SPAG17: variants seen among roughly 807,000 people sequenced by gnomAD.
SPAG17 encodes sperm associated antigen 17, also known as sperm-associated antigen 17.
Under a neutral mutation model 273.6 loss-of-function variants are expected in SPAG17, and 169 were observed. That is an observed-to-expected ratio of 0.62 (90% CI 0.55 to 0.70). The LOEUF is 0.70. Ranked by LOEUF, SPAG17 falls within the 30% of genes least tolerant of loss-of-function variation. The pLI, the probability that SPAG17 is intolerant of heterozygous loss-of-function variation, is 0.00. For missense variants in SPAG17, 2,557 were observed against 2,627.8 expected (o/e 0.97, Z 0.59); for synonymous variants, 825 against 873.2 (o/e 0.94, Z 0.97).
rs1364975376 is a variant in SPAG17 at position 118,185,068 on chromosome 1, C to A, written c.87+3G>T. 6.2e-7 allele frequency: 1 copy of A among 1,613,714 alleles called. No individual in the cohort carries two copies. Among genetic ancestry groups the A allele is most frequent in the Non-Finnish European group, 8.5e-7 (1 of 1,179,726 alleles). On this transcript the variant is annotated splice_donor_region_variant and intron_variant, in intron 1 of 48. Coordinates refer to ENST00000336338, the MANE Select transcript of SPAG17 (RefSeq NM_206996.4). ...GGGAGGGCTTAAAGGGCTCAAGGCT[C>A]ACCTGATTGAACTGTGCAGCTATGA...
At chr1:118,064,172 G>C (rs1652682715) in intron 18 of SPAG17, among the ~76,000 whole-genome samples, 1 of 152,154 alleles carries the variant, frequency 6.6e-6, no homozygotes, top group Admixed American at 6.5e-5. Context: ...GTGGAAGTCA[G>C]TGTGGCGATT....
intron 1 of SPAG17, among the ~76,000 whole-genome samples, chr1:118,184,331 G>A (rs1661081069): frequency 6.6e-6 from 1 of 152,162 alleles, no homozygotes; most frequent in African/African-American, 2.4e-5. Flanking sequence ...TGTAGAAGGG[G>A]ATTTCCAGCT....
In SPAG17 at chr1:118,053,938, C is replaced by A. The variant is rs943776121; in HGVS notation, c.2814+64G>T. 1.2e-5 allele frequency: 15 copies of A among 1,229,020 alleles called. No individual in the cohort carries two copies. The African/African-American group carries it at 2.1e-4, about 17-fold the overall frequency. The allele number at this position is 1,229,020 out of a possible 1,614,324, so 76.1% of individuals were successfully genotyped here. Reference sequence around the variant, plus strand: ...CCACTCCCACTGCCCCAAAGTCAACCACTATCCTGTTGTGTAATACTTTAG... The same window carrying A: ...CCACTCCCACTGCCCCAAAGTCAACAACTATCCTGTTGTGTAATACTTTAG... On this transcript the variant is annotated intron_variant, in intron 20 of 48. Coordinates refer to ENST00000336338, the MANE Select transcript of SPAG17 (RefSeq NM_206996.4).
chr1:117,986,400 T>C (rs1244381874), intron 40 of SPAG17, among the ~76,000 whole-genome samples: 1 of 152,216 alleles, frequency 6.6e-6, no homozygotes, highest in Non-Finnish European at 1.5e-5. Flanking sequence ...TTCTATTTCC[T>C]TGAAACTTTC....
At chr1:118,035,653 A>G (rs1246933899) in intron 24 of SPAG17, among the ~76,000 whole-genome samples, 1 of 152,200 alleles carries the variant, frequency 6.6e-6, no homozygotes, top group Non-Finnish European at 1.5e-5. Flanking sequence ...TTATCTCTGC[A>G]AAAAAGAAAC....
chr1:117,987,095 C>T (rs938400116), intron 40 of SPAG17, among the ~76,000 whole-genome samples: 3 of 152,148 alleles, frequency 2.0e-5, no homozygotes, highest in African/African-American at 7.2e-5. Context: ...CATTCTTCAT[C>T]AAACCTAGCA....
At chr1:118,015,760 T>C (rs561525527) in intron 29 of SPAG17, among the ~76,000 whole-genome samples, 1 of 152,306 alleles carries the variant, frequency 6.6e-6, no homozygotes, top group Non-Finnish European at 1.5e-5. Context: ...TAGTCCCTAA[T>C]GATACTCTCC....
chr1:118,122,384 A>C (rs982801880), intron 3 of SPAG17, among the ~76,000 whole-genome samples: 1 of 152,238 alleles, frequency 6.6e-6, no homozygotes, highest in African/African-American at 2.4e-5. Context: ...CCATAACTAC[A>C]TATGTGCAAC....
At chr1:118,087,729 C>A (rs938665152) in intron 10 of SPAG17, among the ~76,000 whole-genome samples, 1 of 152,136 alleles carries the variant, frequency 6.6e-6, no homozygotes, top group Admixed American at 6.5e-5. Flanking sequence ...AGTTAGGCAC[C>A]TAATTTACAG....
At chr1:118,050,503 C>T (rs1468905920) in intron 20 of SPAG17, among the ~76,000 whole-genome samples, 1 of 152,072 alleles carries the variant, frequency 6.6e-6, no homozygotes, top group Non-Finnish European at 1.5e-5. Context: ...AAATGGTTAG[C>T]TATAAAGCTA....
chr1:118,159,723 G>T (rs1659819469), intron 1 of SPAG17, among the ~76,000 whole-genome samples: 1 of 152,048 alleles, frequency 6.6e-6, no homozygotes. Context: ...AGAGTTCTTG[G>T]CCCATCCCAC....
In SPAG17 at chr1:117,971,979, C is replaced by CT; in HGVS notation, c.6209dup (p.Ser2071ValfsTer19). ...GAAGATGGAACCCAAAAAGGGATGA[C>CT]TTTGCATTATTAATGGCAGCAGATG... On this transcript the variant is annotated frameshift_variant, in exon 45 of 49. Transcript: ENST00000336338. LOFTEE classifies it high-confidence loss of function. The CT allele has an allele frequency of 6.2e-7, 1 of 1,614,110 alleles. No individual in the cohort carries two copies. Among genetic ancestry groups the CT allele is most frequent in the Non-Finnish European group, 8.5e-7 (1 of 1,179,990 alleles).
intron 3 of SPAG17, among the ~76,000 whole-genome samples, chr1:118,132,001 A>C (rs1658078269): frequency 6.6e-6 from 1 of 152,262 alleles, no homozygotes. Flanking sequence ...CAAAAGAAGC[A>C]GGCCCTGCCC....
intron 43 of SPAG17, among the ~76,000 whole-genome samples, chr1:117,980,099 C>A (rs775828660): frequency 6.6e-6 from 1 of 152,160 alleles, no homozygotes; most frequent in East Asian, 1.9e-4. Context: ...TATTGTATAT[C>A]CATGCCTAGA....
At chr1:118,168,472 G>A (rs1434902607) in intron 1 of SPAG17, among the ~76,000 whole-genome samples, 2 of 152,114 alleles carry the variant, frequency 1.3e-5, no homozygotes, top group Non-Finnish European at 2.9e-5. Flanking sequence ...TGATTCTGGA[G>A]CTCAAAAAAG....
chr1:117,994,408 C>T lies in SPAG17; in HGVS notation c.5176G>A (p.Glu1726Lys), dbSNP rs1314254943. The T allele has an allele frequency of 4.3e-6, 7 of 1,611,524 alleles. No individual in the cohort carries two copies. In the African/African-American group the frequency reaches 6.7e-5, roughly 15 times the overall value. The change falls in exon 35 of 49, where the codon GAG (glutamate) becomes AAG (lysine). Residue 1726 changes from glutamate (E) to lysine (K), a missense_variant and splice_region_variant. By Grantham distance (56) the Glu-to-Lys change is moderately conservative (BLOSUM62 1). Coordinates refer to ENST00000336338, the MANE Select transcript of SPAG17 (RefSeq NM_206996.4). ...SRSWETFPSV[E>K]KKTPGPPFGT... is the part of the protein sequence containing the mutation. ...ACTTTTTAGAAGAAATTATATACCT[C>T]AACTGAGGGAAATGTTTCCCATGAC...
At chr1:117,980,752 G>A (rs545811850) in intron 43 of SPAG17, among the ~76,000 whole-genome samples, 1 of 152,258 alleles carries the variant, frequency 6.6e-6, no homozygotes, top group African/African-American at 2.4e-5. Flanking sequence ...AGCATAATGT[G>A]ACTCCACTGT....
At chr1:118,074,377 C>T (rs77860357) in intron 16 of SPAG17, among the ~76,000 whole-genome samples, 162 bp downstream of exon 16, 2,018 of 152,256 alleles carry the variant, frequency 0.013, 29 homozygotes, top group Non-Finnish European at 0.023. Context: ...CCTTTCTGTC[C>T]AGTTGGAGCT....
intron 4 of SPAG17, among the ~76,000 whole-genome samples, chr1:118,110,233 A>C (rs561596253): frequency 6.6e-6 from 1 of 152,340 alleles, no homozygotes; most frequent in African/African-American, 2.4e-5. Context: ...AAAACATCAC[A>C]AAACCAGTAA....
Sources: gnomAD v4.1 joint callset for allele counts (sites outside exome capture counted in the v4.1 genomes callset) on GRCh38, gnomAD v4.1.1 for gene constraint, MANE v1.5 for transcripts, NCBI Gene and HGNC (gene_info 2026-07-23, HGNC 2026-07-21) for gene names.